MTOR: variants seen among roughly 807,000 people sequenced by gnomAD.
MTOR encodes the protein mechanistic target of rapamycin kinase.
MTOR carries 70 observed loss-of-function variants against 319.8 expected under a neutral mutation model. The ratio of observed to expected loss-of-function variants is 0.22; its 90% CI spans 0.18 to 0.27. MTOR has a LOEUF of 0.27. Ranked by LOEUF, MTOR falls within the 10% of genes least tolerant of loss-of-function variation. The probability of loss-of-function intolerance (pLI) is 1.00; values close to 1 mark genes in which losing one functional copy is unlikely to be tolerated. For synonymous variants in MTOR, 1,183 were observed against 1,211.4 expected (o/e 0.98, Z 0.49); for missense variants, 1,890 against 3,274.4 (o/e 0.58, Z 10.32).
chr1:11,195,142 C>A, intron 28 of MTOR: 1 of 1,105,832 alleles, frequency 9.0e-7, no homozygotes, highest in Non-Finnish European at 1.3e-6. Flanking sequence ...CCTATAATCT[C>A]CAAAGAAAGA....
chr1:11,149,913 C>A (rs1220090379), intron 31 of MTOR, among the ~76,000 whole-genome samples: 2 of 152,182 alleles, frequency 1.3e-5, no homozygotes, highest in Non-Finnish European at 2.9e-5. Context: ...TTGGCCTCCC[C>A]ACGAAGATCC....
chr1:11,159,980 T>C (rs1644424624), intron 29 of MTOR, among the ~76,000 whole-genome samples: 1 of 152,152 alleles, frequency 6.6e-6, no homozygotes, highest in Admixed American at 6.5e-5. Flanking sequence ...AACAGAAACA[T>C]TTTAAATATT....
In MTOR at chr1:11,209,356, C is replaced by T. The variant is rs752774073; in HGVS notation, c.3757G>A (p.Gly1253Arg). The T allele has an allele frequency of 1.4e-5, 23 of 1,614,070 alleles. No homozygotes were observed. The highest frequency in any genetic ancestry group is 8.5e-7 in the Non-Finnish European group (1 of 1,180,052). The change falls in exon 25 of 58, where the codon GGA becomes AGA. Residue 1253 changes from glycine (G) to arginine (R), a missense_variant. Gly to Arg is a moderately radical substitution (Grantham distance 125). This residue lies in a region of MTOR where 115 missense variants were observed against 105.7 expected (regional missense o/e 1.09). Transcript: ENST00000361445. The part of the protein sequence containing the change: ...DALASGPVET[G>R]PMKKLHVSTI... ...CTGACGTGCAGTTTCTTCATGGGTC[C>T]TGTTTCCACTGGTCCACTAGCCAAT...
intron 6 of MTOR, among the ~76,000 whole-genome samples, chr1:11,250,604 A>G: frequency 9.6e-6 from 1 of 103,756 alleles, no homozygotes; most frequent in East Asian, 4.7e-4. Flanking sequence ...CTCTTCTCCA[A>G]CTGTACTAGT....
chr1:11,177,832 G>T (rs1450891226), intron 28 of MTOR, among the ~76,000 whole-genome samples: 1 of 152,106 alleles, frequency 6.6e-6, no homozygotes, highest in Non-Finnish European at 1.5e-5. Context: ...TTGGTGAGTG[G>T]AAGTACCACT....
chr1:11,198,436 C>G (rs530950613), intron 28 of MTOR, among the ~76,000 whole-genome samples: 1 of 152,178 alleles, frequency 6.6e-6, no homozygotes, highest in African/African-American at 2.4e-5. Context: ...TGATTACCCT[C>G]TCAAACAAAG....
chr1:11,242,557 A>C (rs1401651690), intron 9 of MTOR, among the ~76,000 whole-genome samples: 1 of 151,864 alleles, frequency 6.6e-6, no homozygotes, highest in Non-Finnish European at 1.5e-5. Flanking sequence ...TCACCACAGC[A>C]ATCTTCGCTA....
chr1:11,156,288 C>G (rs971286220), intron 30 of MTOR, among the ~76,000 whole-genome samples: 1 of 152,196 alleles, frequency 6.6e-6, no homozygotes, highest in African/African-American at 2.4e-5. Context: ...CTGTGCCCGG[C>G]CTGTTTTAGT....
chr1:11,124,348 G>C, intron 47 of MTOR, 150 bp downstream of exon 47: 7 of 1,033,058 alleles, frequency 6.8e-6, no homozygotes, highest in Non-Finnish European at 9.6e-6. Flanking sequence ...TCAACCTCTG[G>C]AGTTTCTGGG....
intron 28 of MTOR, among the ~76,000 whole-genome samples, chr1:11,183,438 T>C (rs1316730109): frequency 6.6e-6 from 1 of 152,178 alleles, no homozygotes; most frequent in East Asian, 1.9e-4. Context: ...TGGCTTCTTT[T>C]ACCAATCTTT....
At position 11,259,331 on chromosome 1, in the gene MTOR, T is replaced by G. The variant is rs763838860; in HGVS notation, c.79A>C (p.Ser27Arg). ...SNVSVLQQFA[S>R]GLKSRNEETR... Reference sequence around the variant, plus strand: ...TCCTCATTCCGGCTCTTTAGGCCACTGGCAAACTGCTGCAGGACGCTCACA... The same window carrying G: ...TCCTCATTCCGGCTCTTTAGGCCACGGGCAAACTGCTGCAGGACGCTCACA... Residue 27 changes from serine to arginine, a missense_variant, in exon 2 of 58, where the codon AGT becomes CGT. Physicochemically the swap from Ser to Arg is moderately radical, Grantham distance 110. Transcript: ENST00000361445. 1 of 1,612,908 alleles carries G rather than the reference T, an allele frequency of 6.2e-7. No homozygotes were observed. Among genetic ancestry groups the G allele is most frequent in the Non-Finnish European group, 8.5e-7 (1 of 1,179,596 alleles).
At chr1:11,139,080 G>A in intron 36 of MTOR, 1 of 541,364 alleles carries the variant, frequency 1.8e-6, no homozygotes, top group Admixed American at 3.7e-5. Context: ...ATATAACTGT[G>A]ATCACATTCA....
At chr1:11,213,285 T>C in intron 21 of MTOR, 114 bp downstream of exon 21, 1 of 1,123,074 alleles carries the variant, frequency 8.9e-7, no homozygotes, top group South Asian at 1.5e-5. Flanking sequence ...GGATTCTGTC[T>C]TATGGAATGG....
At chr1:11,195,136 T>C in intron 28 of MTOR, 2 of 1,142,358 alleles carry the variant, frequency 1.8e-6, no homozygotes, top group South Asian at 1.6e-5. Context: ...AAACAGCCTA[T>C]AATCTCCAAA....
chr1:11,144,582 G>A, intron 34 of MTOR, 66 bp downstream of exon 34: 4 of 1,353,914 alleles, frequency 3.0e-6, no homozygotes, highest in South Asian at 2.4e-5. Context: ...GTGGAGGGGG[G>A]CACTCACCCA....
chr1:11,196,849 TAAA>T (rs78265735), intron 28 of MTOR, among the ~76,000 whole-genome samples: 2 of 133,820 alleles, frequency 1.5e-5, no homozygotes, highest in Non-Finnish European at 3.2e-5. Context: ...CGACTCCATC[TAAA>T]AAAAAAAAAA....
intron 19 of MTOR, among the ~76,000 whole-genome samples, chr1:11,222,506 G>A (rs886350497): frequency 4.6e-5 from 7 of 152,126 alleles, no homozygotes; most frequent in East Asian, 3.9e-4. Flanking sequence ...CTAAAAAAAT[G>A]TTTTAAATAA....
In MTOR at chr1:11,161,598, C is replaced by T. The variant is rs981364051; in HGVS notation, c.4330-4307G>A. Among the ~76,000 whole-genome samples the T allele has an allele frequency of 3.9e-5, 6 of 152,252 alleles. No homozygotes were observed. In the South Asian group the frequency reaches 6.2e-4, roughly 16 times the overall value. ...CTCTGAGACGAAGCTTCCAGAGGAA[C>T]GATCAGGCAGCAACATTGGCTGCTC... is the stretch of plus-strand genomic sequence containing the variant. On this transcript the variant is annotated intron_variant, in intron 29 of 57. Coordinates refer to ENST00000361445, the MANE Select transcript of MTOR (RefSeq NM_004958.4).
intron 25 of MTOR, 120 bp downstream of exon 25, chr1:11,209,192 A>T: frequency 8.3e-7 from 1 of 1,204,620 alleles, no homozygotes; most frequent in Non-Finnish European, 1.2e-6. Context: ...CATGGTATCT[A>T]GATTTCTGGA....
Sources: gnomAD v4.1 joint callset for allele counts (sites outside exome capture counted in the v4.1 genomes callset) on GRCh38, gnomAD v4.1.1 for gene constraint, gnomAD v4.1.1 regional missense constraint, MANE v1.5 for transcripts, NCBI Gene and HGNC (gene_info 2026-07-23, HGNC 2026-07-21) for gene names.